The following SLCO1B3 variants were observed in gnomAD, a reference collection of about 807,000 sequenced individuals.
SLCO1B3 encodes solute carrier organic anion transporter family member 1B3.
Under a neutral mutation model 71.8 loss-of-function variants are expected in SLCO1B3, and 72 were observed. That is an observed-to-expected ratio of 1.00 (90% CI 0.83 to 1.22). The LOEUF (loss-of-function observed/expected upper bound fraction) is 1.22. SLCO1B3 is among the 50% of genes most tolerant of loss of function. The pLI is 0.00. For missense variants in SLCO1B3, 911 were observed against 819.7 expected (o/e 1.11, Z -1.36); for synonymous variants, 298 against 278.4 (o/e 1.07, Z -0.70).
At chr12:20,847,797 A>G (rs7137175) in intron 3 of SLCO1B3, among the ~76,000 whole-genome samples, 101,013 of 151,490 alleles carry the variant, frequency 0.67, 36,895 homozygotes, top group South Asian at 0.84. Context: ...TCAGAAGGAG[A>G]ATAGAGAGAG....
chr12:20,896,348 C>T (rs916066465), intron 13 of SLCO1B3, among the ~76,000 whole-genome samples: 2 of 152,142 alleles, frequency 1.3e-5, no homozygotes, highest in African/African-American at 4.8e-5. Flanking sequence ...AACTGAATGC[C>T]TTTAACAGCA....
chr12:20,866,024 A>G (rs1039712005), intron 8 of SLCO1B3, among the ~76,000 whole-genome samples: 5 of 152,090 alleles, frequency 3.3e-5, no homozygotes, highest in African/African-American at 1.2e-4. Context: ...ATCACTCTCC[A>G]GTAAGTGATG....
chr12:20,845,183 AGC>A, intron 3 of SLCO1B3: 1 of 353,568 alleles, frequency 2.8e-6, no homozygotes, highest in Non-Finnish European at 5.7e-6. Flanking sequence ...TGTACAAGGT[AGC>A]CACATGGGAG....
rs1864143164 is a variant in SLCO1B3 at position 20,813,613 on chromosome 12, C to T, written c.-91C>T. The stretch of plus-strand genomic sequence containing the variant: ...CCCGTTGTTCCCACCTCCTAGAGGG[C>T]CTGACAGAAGAGGTACATATGCTAT... On this transcript the variant is annotated 5_prime_UTR_variant, in exon 2 of 16. Transcript: ENST00000381545. 6.6e-6 allele frequency: 1 copy of T among 152,164 alleles called. No individual in the cohort carries two copies. The highest frequency in any genetic ancestry group is 1.5e-5 in the Non-Finnish European group (1 of 68,034). 9.4% of individuals were successfully genotyped at this position (152,164 alleles called of 1,614,324 possible).
At chr12:20,823,889 T>C (rs1430513712) in intron 3 of SLCO1B3, among the ~76,000 whole-genome samples, 1 of 152,212 alleles carries the variant, frequency 6.6e-6, no homozygotes, top group Admixed American at 6.5e-5. Context: ...AAGGGGCTTC[T>C]ATTGGCTCTG....
At chr12:20,882,832 G>T (rs1306801070) in intron 12 of SLCO1B3, among the ~76,000 whole-genome samples, 1 of 152,132 alleles carries the variant, frequency 6.6e-6, no homozygotes, top group Non-Finnish European at 1.5e-5. Context: ...CTGCCTGCCT[G>T]ATCTCTAAAA....
At chr12:20,890,671 T>C (rs935086213) in intron 13 of SLCO1B3, among the ~76,000 whole-genome samples, 2 of 152,164 alleles carry the variant, frequency 1.3e-5, no homozygotes, top group Non-Finnish European at 2.9e-5. Context: ...TTAGGCCCAG[T>C]AGTGTTTGTT....
intron 8 of SLCO1B3, among the ~76,000 whole-genome samples, chr12:20,868,779 G>T (rs1354279277): frequency 6.6e-6 from 1 of 152,120 alleles, no homozygotes; most frequent in African/African-American, 2.4e-5. Flanking sequence ...AGCAAAAGGG[G>T]CAGGGTAAAG....
intron 3 of SLCO1B3, among the ~76,000 whole-genome samples, chr12:20,831,565 A>G (rs185471072): frequency 1.7e-3 from 259 of 152,312 alleles, no homozygotes; most frequent in Non-Finnish European, 2.8e-3. Flanking sequence ...AGTTGAATTT[A>G]GTTGCATTTC....
intron 8 of SLCO1B3, among the ~76,000 whole-genome samples, chr12:20,870,184 A>AT (rs1167873392): frequency 2.6e-5 from 4 of 152,038 alleles, no homozygotes; most frequent in East Asian, 1.9e-4. Flanking sequence ...AGGCAATTAT[A>AT]TTTTTTTGCT....
At position 20,820,187 on chromosome 12, in the gene SLCO1B3, G is replaced by A. The variant is rs564479030; in HGVS notation, c.84+4365G>A. On this transcript the variant is annotated intron_variant, in intron 3 of 15. Transcript: ENST00000381545. ...CCTCCATATTGATTAAGAAGGGGACGGACTTACCCTCCACTGTGAGAGTTA... is the reference window on the plus strand; with the variant it reads ...CCTCCATATTGATTAAGAAGGGGACAGACTTACCCTCCACTGTGAGAGTTA... 5.1e-3 allele frequency among the ~76,000 whole-genome samples: 775 copies of A among 152,120 alleles called. 3 individuals carry two copies. The highest frequency in any genetic ancestry group is 0.017 in the African/African-American group (687 of 41,474).
rs1035450528 is a variant in SLCO1B3 at position 20,879,426 on chromosome 12, T to C, written c.1136-10T>C. 1.3e-6 allele frequency: 2 copies of C among 1,556,360 alleles called. No homozygotes were observed. The highest frequency in any genetic ancestry group is 1.8e-6 in the Non-Finnish European group (2 of 1,142,452). On this transcript the variant is annotated splice_polypyrimidine_tract_variant and intron_variant, in intron 10 of 15. Transcript: ENST00000381545. ...ATAATTATAGCTTTTTTCTCTTCTT[T>C]TATTTCTAGGAATCATAACCATTCC...
intron 3 of SLCO1B3, among the ~76,000 whole-genome samples, chr12:20,824,140 G>C (rs9971929): frequency 0.53 from 80,612 of 152,080 alleles, 22,025 homozygotes; most frequent in East Asian, 0.74. Flanking sequence ...ACAAATTTTA[G>C]TGAATTTACT....
intron 12 of SLCO1B3, 40 bp from the exon 13 acceptor site, chr12:20,883,378 T>C: frequency 8.2e-7 from 1 of 1,212,816 alleles, no homozygotes. Context: ...CTGTTGTATT[T>C]GGCAAATGTA....
At chr12:20,842,176 G>A (rs1267144155) in intron 3 of SLCO1B3, among the ~76,000 whole-genome samples, 2 of 152,174 alleles carry the variant, frequency 1.3e-5, no homozygotes, top group African/African-American at 4.8e-5. Context: ...TTACAGGCAT[G>A]AGCCACCATG....
chr12:20,890,019 G>T (rs1264206810), intron 13 of SLCO1B3, among the ~76,000 whole-genome samples: 2 of 151,760 alleles, frequency 1.3e-5, no homozygotes, highest in Non-Finnish European at 2.9e-5. Context: ...TTGGGTTCAA[G>T]CAGTTCTCTG....
At chr12:20,910,756 T>A (rs961023509) in intron 15 of SLCO1B3, among the ~76,000 whole-genome samples, 2 of 152,172 alleles carry the variant, frequency 1.3e-5, no homozygotes, top group African/African-American at 4.8e-5. Flanking sequence ...AAATTCCACT[T>A]GTTCATTGCT....
At chr12:20,859,957 T>TC (rs1695094321) in intron 5 of SLCO1B3, among the ~76,000 whole-genome samples, 2 of 146,254 alleles carry the variant, frequency 1.4e-5, no homozygotes, top group Non-Finnish European at 3.0e-5. Flanking sequence ...TCATTTCTTT[T>TC]TTTTTTTTTT....
intron 8 of SLCO1B3, among the ~76,000 whole-genome samples, chr12:20,864,233 T>A (rs1865327768): frequency 6.6e-6 from 1 of 151,880 alleles, no homozygotes; most frequent in South Asian, 2.1e-4. Context: ...AATTCGGTGC[T>A]CCTATTAATC....
Sources: gnomAD v4.1 joint callset for allele counts (sites outside exome capture counted in the v4.1 genomes callset) on GRCh38, gnomAD v4.1.1 for gene constraint, MANE v1.5 for transcripts, NCBI Gene and HGNC (gene_info 2026-07-23, HGNC 2026-07-21) for gene names.